Variants in PIWIL2 observed in about 807,000 individuals in gnomAD.
PIWIL2 encodes piwi like RNA-mediated gene silencing 2, also known as piwi-like protein 2.
Under a neutral mutation model 116.5 loss-of-function variants are expected in PIWIL2, and 81 were observed. The observed-to-expected ratio is 0.70, with a 90% CI of 0.58 to 0.84. The LOEUF (loss-of-function observed/expected upper bound fraction) is 0.84, where lower values mean the gene tolerates loss of function less well. Ranked by LOEUF, PIWIL2 falls within the 40% of genes least tolerant of loss-of-function variation. PIWIL2 has a pLI of 0.00. For missense variants in PIWIL2, 1,272 were observed against 1,212.3 expected (o/e 1.05, Z -0.73); for synonymous variants, 489 against 429.5 (o/e 1.14, Z -1.71).
At chr8:22,332,358 G>T (rs1296649326) in intron 20 of PIWIL2, among the ~76,000 whole-genome samples, 1 of 151,990 alleles carries the variant, frequency 6.6e-6, no homozygotes, top group Non-Finnish European at 1.5e-5. Context: ...CAATAGATAG[G>T]AGGTTAAAAT....
rs143297056 is a variant in PIWIL2, at chr8:22,344,803, G to T, written c.2404-8156G>T. ...AAGTGGGAAGATGACTTGAGCCTGG[G>T]AGGTCAAGGCTGCAGTGAGCCGTGA... On this transcript the variant is annotated intron_variant, in intron 20 of 22. Coordinates refer to ENST00000356766, the MANE Select transcript of PIWIL2 (RefSeq NM_018068.5). 2.7e-4 allele frequency among the ~76,000 whole-genome samples: 41 copies of T among 152,298 alleles called. 1 individual carries two copies. Among genetic ancestry groups the T allele is most frequent in the African/African-American group, 7.7e-4 (32 of 41,550 alleles).
intron 20 of PIWIL2, among the ~76,000 whole-genome samples, chr8:22,339,437 G>C (rs943451062): frequency 6.6e-6 from 1 of 151,308 alleles, no homozygotes; most frequent in Non-Finnish European, 1.5e-5. Flanking sequence ...GAACCAGGGA[G>C]TCGGAGGTTT....
At position 22,279,416 on chromosome 8, in the gene PIWIL2, C is replaced by T; in HGVS notation, c.30C>T (p.Gly10=). Residue 10 remains glycine (G), a synonymous_variant, in exon 2 of 23, where the codon GGC becomes GGT. Coordinates refer to ENST00000356766, the MANE Select transcript of PIWIL2 (RefSeq NM_018068.5). The part of the protein sequence containing the change: MDPFRPSFR[G]QSPIHPSQCQ... ...ATCCTTTCCGACCATCGTTCAGGGG[C>T]CAGTCTCCTATCCACCCATCCCAGT... 5 of 1,614,156 alleles carry T rather than the reference C, an allele frequency of 3.1e-6. No homozygotes were observed. Among genetic ancestry groups the T allele is most frequent in the Non-Finnish European group, 4.2e-6 (5 of 1,179,996 alleles).
intron 10 of PIWIL2, among the ~76,000 whole-genome samples, chr8:22,300,738 C>G (rs1404955841): frequency 6.6e-6 from 1 of 152,132 alleles, no homozygotes; most frequent in East Asian, 1.9e-4. Flanking sequence ...TTTACATTTT[C>G]CTAGTGAATA....
At chr8:22,334,961 A>C (rs1008334867) in intron 20 of PIWIL2, among the ~76,000 whole-genome samples, 6 of 151,692 alleles carry the variant, frequency 4.0e-5, no homozygotes, top group African/African-American at 1.2e-4. Context: ...AGGCTGAGGC[A>C]GGGAAATCAC....
At chr8:22,283,808 A>G (rs1830568940) in intron 5 of PIWIL2, among the ~76,000 whole-genome samples, 1 of 152,220 alleles carries the variant, frequency 6.6e-6, no homozygotes, top group Non-Finnish European at 1.5e-5. Flanking sequence ...CCCAATTGAG[A>G]CAATTCCTTG....
intron 21 of PIWIL2, 21 bp from the exon 22 acceptor site, chr8:22,354,250 A>C: frequency 6.6e-7 from 1 of 1,504,072 alleles, no homozygotes; most frequent in Non-Finnish European, 9.3e-7. Flanking sequence ...CATTTCACTG[A>C]TTTATGGTTT....
intron 20 of PIWIL2, among the ~76,000 whole-genome samples, chr8:22,344,118 T>C (rs1832172267): frequency 6.6e-6 from 1 of 152,228 alleles, no homozygotes; most frequent in South Asian, 2.1e-4. Flanking sequence ...TGAAAGATGG[T>C]AATCTGAAAA....
chr8:22,318,060 T>G, intron 19 of PIWIL2, 110 bp from the exon 20 acceptor site: 2 of 636,864 alleles, frequency 3.1e-6, no homozygotes, highest in South Asian at 4.0e-5. Flanking sequence ...GGTACTTGTT[T>G]TTGGATTGAT....
intron 20 of PIWIL2, among the ~76,000 whole-genome samples, chr8:22,345,808 G>GT (rs1256761865): frequency 6.6e-6 from 1 of 152,172 alleles, no homozygotes; most frequent in East Asian, 1.9e-4. Flanking sequence ...TGGATGAACT[G>GT]TGAAAACGTT....
intron 20 of PIWIL2, among the ~76,000 whole-genome samples, chr8:22,338,585 G>C (rs1025538244): frequency 2.0e-5 from 3 of 152,058 alleles, no homozygotes; most frequent in Non-Finnish European, 4.4e-5. Context: ...CCAGCTAATA[G>C]GGAGGCTGAG....
chr8:22,284,082 T>G, intron 5 of PIWIL2, 80 bp from the exon 6 acceptor site: 1 of 668,724 alleles, frequency 1.5e-6, no homozygotes, highest in Admixed American at 2.9e-5. Context: ...AATCTTCTTG[T>G]TGTTGGTTGT....
chr8:22,285,076 G>GT (rs1222940695), intron 6 of PIWIL2, among the ~76,000 whole-genome samples: 3 of 152,080 alleles, frequency 2.0e-5, no homozygotes, highest in Admixed American at 1.3e-4. Context: ...CCTACTTACT[G>GT]TTTTTTTGTG....
At chr8:22,347,484 T>A (rs984821596) in intron 20 of PIWIL2, among the ~76,000 whole-genome samples, 2 of 150,382 alleles carry the variant, frequency 1.3e-5, no homozygotes, top group Non-Finnish European at 3.0e-5. Context: ...CCCAAAGTGC[T>A]GGGATTACAG....
chr8:22,332,327 AATAATCAAACT>A (rs1831880970), intron 20 of PIWIL2, among the ~76,000 whole-genome samples: 1 of 152,060 alleles, frequency 6.6e-6, no homozygotes, highest in Non-Finnish European at 1.5e-5. Context: ...CAAAAATAAA[AATAATCAAACT>A]GTAACAGGCC....
At chr8:22,327,787 A>G (rs941825934) in intron 20 of PIWIL2, among the ~76,000 whole-genome samples, 4 of 152,140 alleles carry the variant, frequency 2.6e-5, no homozygotes, top group African/African-American at 9.7e-5. Flanking sequence ...TCCTTTGCCC[A>G]TTTAAATTGG....
intron 20 of PIWIL2, among the ~76,000 whole-genome samples, chr8:22,346,912 G>A (rs777391309): frequency 3.2e-4 from 48 of 151,976 alleles, no homozygotes; most frequent in Non-Finnish European, 5.4e-4. Flanking sequence ...ATAGCCGCTC[G>A]TGGCTGTAAT....
chr8:22,344,233 A>G (rs1166200487), intron 20 of PIWIL2, among the ~76,000 whole-genome samples: 2 of 152,208 alleles, frequency 1.3e-5, no homozygotes, highest in African/African-American at 4.8e-5. Context: ...GGAGAAAGGA[A>G]TAGGTGGCAC....
intron 20 of PIWIL2, among the ~76,000 whole-genome samples, chr8:22,326,831 A>C (rs1224332088): frequency 6.6e-6 from 1 of 151,850 alleles, no homozygotes; most frequent in Non-Finnish European, 1.5e-5. Context: ...TTAAGTTCCC[A>C]TTTTCAGTTC....
Sources: allele counts gnomAD v4.1 joint callset (sites outside exome capture counted in the v4.1 genomes callset), GRCh38; gene constraint gnomAD v4.1.1; transcripts MANE v1.5; gene names NCBI Gene and HGNC (gene_info 2026-07-23, HGNC 2026-07-21).